The following SMYD3 variants were observed in gnomAD, a reference collection of about 807,000 sequenced individuals.
The protein encoded by SMYD3 is histone-lysine N-methyltransferase SMYD3.
In SMYD3, 36 loss-of-function variants were observed where a neutral mutation model predicts 57.7. The observed-to-expected ratio is 0.62, with a 90% CI of 0.48 to 0.82. The LOEUF (loss-of-function observed/expected upper bound fraction) is 0.82, where lower values mean the gene tolerates loss of function less well. Among genes scored for constraint, SMYD3 ranks in the 40% least tolerant of loss-of-function variants. SMYD3 has a pLI of 0.00. For missense variants in SMYD3, 515 were observed against 538.8 expected, an observed-to-expected ratio of 0.96 and a Z score of 0.44; for synonymous variants, 211 against 195.0, an observed-to-expected ratio of 1.08 and a Z score of -0.68.
At chr1:246,404,744 T>C (rs573300418) in intron 1 of SMYD3, among the ~76,000 whole-genome samples, 21 of 152,176 alleles carry the variant, frequency 1.4e-4, no homozygotes, top group African/African-American at 4.8e-4. Context: ...TTCAATAAAA[T>C]TGAAAATCAA....
intron 5 of SMYD3, among the ~76,000 whole-genome samples, chr1:246,249,037 G>A (rs563670246): frequency 1.7e-3 from 255 of 151,860 alleles, no homozygotes; most frequent in Non-Finnish European, 3.2e-3. Context: ...AAACTACAAA[G>A]TGCATTTTAA....
At position 246,304,258 on chromosome 1, in the gene SMYD3, G is replaced by A. The variant is rs185352161; in HGVS notation, c.531+22943C>T. Among the ~76,000 whole-genome samples, 99 of 152,144 alleles carry A rather than the reference G, an allele frequency of 6.5e-4. 1 individual carries two copies. The East Asian group carries it at 0.018, about 28-fold the overall frequency. On this transcript the variant is annotated intron_variant, in intron 5 of 11. Transcript: ENST00000490107. ...TTGCATGAACTCCTATATAGCACAC[G>A]TACAAAACAAATAGTATAAATCTGT... is the stretch of plus-strand genomic sequence containing the variant.
At chr1:246,007,348 T>C (rs2059192679) in intron 5 of SMYD3, among the ~76,000 whole-genome samples, 2 of 152,104 alleles carry the variant, frequency 1.3e-5, no homozygotes, top group Admixed American at 6.5e-5. Flanking sequence ...TTTGGGTGCC[T>C]CGTGAAAGGG....
At chr1:245,925,222 T>C (rs568511126) in intron 7 of SMYD3, among the ~76,000 whole-genome samples, 1 of 152,280 alleles carries the variant, frequency 6.6e-6, no homozygotes, top group Non-Finnish European at 1.5e-5. Flanking sequence ...AATTAATACA[T>C]AATATTTATA....
At chr1:246,298,424 A>G (rs921650566) in intron 5 of SMYD3, among the ~76,000 whole-genome samples, 4 of 152,152 alleles carry the variant, frequency 2.6e-5, no homozygotes, top group African/African-American at 9.7e-5. Context: ...TTAAGTTCAA[A>G]GTACATGAAT....
chr1:246,426,122 C>T (rs2067214354), intron 1 of SMYD3: 1 of 152,006 alleles, frequency 6.6e-6, no homozygotes, highest in African/African-American at 2.4e-5. Flanking sequence ...GACCAGCCTT[C>T]CTTATACCTT....
At chr1:245,956,262 T>C (rs575401360) in intron 5 of SMYD3, among the ~76,000 whole-genome samples, 1 of 152,184 alleles carries the variant, frequency 6.6e-6, no homozygotes, top group Non-Finnish European at 1.5e-5. Context: ...ATATGGCACA[T>C]AGTATACTCT....
chr1:245,879,496 C>T (rs917270751), intron 8 of SMYD3, among the ~76,000 whole-genome samples: 1 of 152,130 alleles, frequency 6.6e-6, no homozygotes, highest in African/African-American at 2.4e-5. Context: ...CTCTGAGCAA[C>T]GAGAAAGCAT....
chr1:246,401,064 C>T (rs2039707), intron 1 of SMYD3, among the ~76,000 whole-genome samples: 133,599 of 152,250 alleles, frequency 0.88, 59,839 homozygotes, highest in Non-Finnish European at 0.97. Flanking sequence ...AACATCATCA[C>T]AGTATCTTAA....
intron 5 of SMYD3, among the ~76,000 whole-genome samples, chr1:246,172,341 C>G (rs188463044): frequency 2.0e-5 from 3 of 151,358 alleles, no homozygotes; most frequent in African/African-American, 7.3e-5. Flanking sequence ...TCACTGTACT[C>G]TACTGTAGAC....
chr1:245,750,544 A>C (rs1311306631), intron 11 of SMYD3, among the ~76,000 whole-genome samples: 1 of 152,180 alleles, frequency 6.6e-6, no homozygotes, highest in Non-Finnish European at 1.5e-5. Flanking sequence ...AAAAGAAGAA[A>C]GCCATTCTTA....
intron 5 of SMYD3, among the ~76,000 whole-genome samples, chr1:246,179,397 T>C (rs1487985669): frequency 6.6e-6 from 1 of 152,192 alleles, no homozygotes; most frequent in Non-Finnish European, 1.5e-5. Flanking sequence ...AAATGGGGGT[T>C]GTATGTGTGT....
intron 1 of SMYD3, among the ~76,000 whole-genome samples, chr1:246,447,685 G>C (rs1432754958): frequency 2.6e-5 from 4 of 152,176 alleles, no homozygotes; most frequent in Admixed American, 6.5e-5. Flanking sequence ...AATCACAGTA[G>C]GCAGGTCAGC....
At chr1:246,366,143 C>T (rs1301942748) in intron 1 of SMYD3, among the ~76,000 whole-genome samples, 1 of 152,164 alleles carries the variant, frequency 6.6e-6, no homozygotes, top group Non-Finnish European at 1.5e-5. Flanking sequence ...TCATTTCCTC[C>T]TCCCTCCCAT....
intron 5 of SMYD3, among the ~76,000 whole-genome samples, chr1:246,226,095 C>G (rs935908054): frequency 2.6e-5 from 4 of 151,972 alleles, no homozygotes; most frequent in Non-Finnish European, 5.9e-5. Context: ...TTCTTCTTGC[C>G]TAAAATAAAC....
In SMYD3 at chr1:246,460,997, G is replaced by C. The variant is rs369175383; in HGVS notation, c.164+46057C>G. The stretch of plus-strand genomic sequence containing the variant: ...GCTACAAGGCTACAAGCCATGACAA[G>C]TTAGCCTGAAGAAAAGACCATGAGG... On this transcript the variant is annotated intron_variant, in intron 1 of 11. Coordinates refer to ENST00000490107, the MANE Select transcript of SMYD3 (RefSeq NM_001167740.2). Among the ~76,000 whole-genome samples, 10 of 152,322 alleles carry C rather than the reference G, an allele frequency of 6.6e-5. No homozygotes were observed. In the South Asian group the frequency reaches 2.1e-3, roughly 32 times the overall value.
intron 5 of SMYD3, among the ~76,000 whole-genome samples, chr1:246,154,611 T>C (rs2148171057): frequency 6.6e-6 from 1 of 152,300 alleles, no homozygotes. Context: ...GAAGATTTCC[T>C]GAACTATGAA....
intron 1 of SMYD3, among the ~76,000 whole-genome samples, chr1:246,366,417 GAT>G (rs2066103417): frequency 1.3e-5 from 2 of 152,152 alleles, no homozygotes; most frequent in Admixed American, 6.5e-5. Context: ...CTGAAACTTT[GAT>G]ATGTTACTGC....
chr1:245,761,151 G>C (rs531509432), intron 11 of SMYD3, among the ~76,000 whole-genome samples: 12 of 152,232 alleles, frequency 7.9e-5, no homozygotes, highest in East Asian at 5.8e-4. Context: ...AGCAAGTTTG[G>C]GTAAGGCCAC....
Sources: gnomAD v4.1 joint callset for allele counts (sites outside exome capture counted in the v4.1 genomes callset) on GRCh38, gnomAD v4.1.1 for gene constraint, MANE v1.5 for transcripts, NCBI Gene and HGNC (gene_info 2026-07-23, HGNC 2026-07-21) for gene names.